The following ARHGAP10 variants were observed in gnomAD, a reference collection of about 807,000 sequenced individuals.
ARHGAP10 encodes the protein rho GTPase-activating protein 10.
Under a neutral mutation model 108.6 loss-of-function variants are expected in ARHGAP10, and 87 were observed. The ratio of observed to expected loss-of-function variants is 0.80; its 90% confidence interval spans 0.67 to 0.96. ARHGAP10 has a LOEUF of 0.96. Among genes scored for constraint, ARHGAP10 ranks in the 40% least tolerant of loss-of-function variants. The probability of loss-of-function intolerance (pLI) is 0.00; values close to 1 mark genes in which losing one functional copy is unlikely to be tolerated. For missense variants in ARHGAP10, 939 were observed against 954.5 expected (o/e 0.98, Z 0.21); for synonymous variants, 347 against 341.1 (o/e 1.02, Z -0.19).
At chr4:148,025,307 C>A (rs1388881116) in intron 19 of ARHGAP10, among the ~76,000 whole-genome samples, 1 of 151,124 alleles carries the variant, frequency 6.6e-6, no homozygotes, top group Non-Finnish European at 1.5e-5. Context: ...TTTTGTTCTA[C>A]ATTTTGTATT....
At chr4:147,887,825 G>A (rs1446055071) in intron 10 of ARHGAP10, among the ~76,000 whole-genome samples, 4 of 150,854 alleles carry the variant, frequency 2.7e-5, no homozygotes, top group East Asian at 3.9e-4. Context: ...TGGCACCACC[G>A]CACTCCAGCC....
intron 18 of ARHGAP10, among the ~76,000 whole-genome samples, chr4:147,975,854 A>G (rs1578750471): frequency 6.6e-6 from 1 of 152,236 alleles, no homozygotes; most frequent in African/African-American, 2.4e-5. Flanking sequence ...GTGCACATAT[A>G]GAGGAGTATC....
intron 20 of ARHGAP10, among the ~76,000 whole-genome samples, chr4:148,054,114 G>C (rs1255108004): frequency 2.6e-5 from 4 of 152,108 alleles, no homozygotes; most frequent in African/African-American, 9.7e-5. Context: ...TGCCATTGTT[G>C]TAATTTATTA....
chr4:147,892,483 A>T (rs1735825607), intron 10 of ARHGAP10, among the ~76,000 whole-genome samples: 1 of 152,190 alleles, frequency 6.6e-6, no homozygotes, highest in Non-Finnish European at 1.5e-5. Context: ...AAATTAAAAG[A>T]CTTGAAATTG....
intron 1 of ARHGAP10, among the ~76,000 whole-genome samples, chr4:147,794,104 A>G (rs1270257914): frequency 2.0e-5 from 3 of 152,152 alleles, no homozygotes; most frequent in African/African-American, 7.2e-5. Context: ...AGTGTAGGGG[A>G]GGGACAGGCT....
At chr4:147,951,565 A>C (rs964931939) in intron 15 of ARHGAP10, among the ~76,000 whole-genome samples, 3 of 151,970 alleles carry the variant, frequency 2.0e-5, no homozygotes, top group African/African-American at 7.3e-5. Context: ...AATTGTATGT[A>C]AGGAATATAT....
At chr4:147,909,913 T>C in intron 12 of ARHGAP10, 136 bp downstream of exon 12, 11 of 823,200 alleles carry the variant, frequency 1.3e-5, no homozygotes, top group Non-Finnish European at 1.9e-5. Context: ...CACGTAATAA[T>C]CCTCTATTGC....
At chr4:147,962,537 C>A (rs1739039862) in intron 16 of ARHGAP10, among the ~76,000 whole-genome samples, 1 of 152,184 alleles carries the variant, frequency 6.6e-6, no homozygotes, top group South Asian at 2.1e-4. Context: ...CAACGACTCC[C>A]AGGTGTAGTG....
chr4:148,017,931 A>G (rs1741413316), intron 18 of ARHGAP10, among the ~76,000 whole-genome samples: 1 of 152,048 alleles, frequency 6.6e-6, no homozygotes, highest in Non-Finnish European at 1.5e-5. Context: ...AGGGATTTAT[A>G]TAAATGGCTG....
Position 147,867,900 on chromosome 4 carries a change from A to C in ARHGAP10, c.702+1084A>C, listed in dbSNP as rs528635251. On this transcript the variant is annotated intron_variant, in intron 7 of 22. Coordinates refer to ENST00000336498, the MANE Select transcript of ARHGAP10 (RefSeq NM_024605.4). ...AAAAAAAAAAAAGTTGAGAGTGAATACCTTTTGTGTAGATTTTGTTTCTAA... is the reference window on the plus strand; with the variant it reads ...AAAAAAAAAAAAGTTGAGAGTGAATCCCTTTTGTGTAGATTTTGTTTCTAA... 5.7e-4 allele frequency among the ~76,000 whole-genome samples: 75 copies of C among 132,536 alleles called. 1 individual carries two copies. The South Asian group carries it at 0.019, about 33-fold the overall frequency. 86.9% of individuals were successfully genotyped at this position (132,536 alleles called of 152,430 possible).
intron 1 of ARHGAP10, among the ~76,000 whole-genome samples, chr4:147,784,453 GAT>G (rs1330945533): frequency 1.7e-5 from 2 of 118,974 alleles, no homozygotes; most frequent in Non-Finnish European, 3.2e-5. Context: ...AGTTATATAT[GAT>G]ATATATTATA....
intron 18 of ARHGAP10, among the ~76,000 whole-genome samples, chr4:147,980,109 C>T (rs1300615580): frequency 6.6e-6 from 1 of 152,106 alleles, no homozygotes; most frequent in Non-Finnish European, 1.5e-5. Flanking sequence ...TTGTCTAGTT[C>T]CGGTTCTTAA....
intron 3 of ARHGAP10, among the ~76,000 whole-genome samples, chr4:147,831,895 G>A (rs1299399328): frequency 1.3e-5 from 2 of 152,138 alleles, no homozygotes; most frequent in Non-Finnish European, 2.9e-5. Context: ...TCCCTGCAAG[G>A]CCTTGCCCCA....
chr4:148,026,337 C>T (rs1384654942), intron 19 of ARHGAP10, among the ~76,000 whole-genome samples: 1 of 152,122 alleles, frequency 6.6e-6, no homozygotes, highest in Non-Finnish European at 1.5e-5. Flanking sequence ...GGCCTGGATG[C>T]AGAAAACCCA....
At chr4:147,762,690 C>T (rs978677395) in intron 1 of ARHGAP10, among the ~76,000 whole-genome samples, 22 of 149,196 alleles carry the variant, frequency 1.5e-4, no homozygotes, top group Admixed American at 2.7e-4. Flanking sequence ...CCACCACGCC[C>T]GGCTAATTTT....
intron 9 of ARHGAP10, among the ~76,000 whole-genome samples, chr4:147,881,369 G>T (rs537823474): frequency 1.3e-5 from 2 of 152,166 alleles, no homozygotes; most frequent in East Asian, 3.9e-4. Context: ...TGGGCGCGGT[G>T]GCTCACGCCT....
At chr4:148,002,032 A>G (rs904521504) in intron 18 of ARHGAP10, among the ~76,000 whole-genome samples, 4 of 152,214 alleles carry the variant, frequency 2.6e-5, no homozygotes, top group Non-Finnish European at 4.4e-5. Flanking sequence ...CCCATTCAGT[A>G]TGATACTGGC....
intron 20 of ARHGAP10, among the ~76,000 whole-genome samples, chr4:148,051,370 G>A (rs955953797): frequency 2.0e-5 from 3 of 152,140 alleles, no homozygotes; most frequent in African/African-American, 7.2e-5. Flanking sequence ...GGTAGTTTTC[G>A]CTAAACAGGT....
At chr4:147,888,747 T>G (rs978853695) in intron 10 of ARHGAP10, among the ~76,000 whole-genome samples, 1 of 152,236 alleles carries the variant, frequency 6.6e-6, no homozygotes, top group African/African-American at 2.4e-5. Context: ...TTGGGGTTCC[T>G]TAATTTCCTG....
Sources: allele counts gnomAD v4.1 joint callset (sites outside exome capture counted in the v4.1 genomes callset), GRCh38; gene constraint gnomAD v4.1.1; transcripts MANE v1.5; gene names NCBI Gene and HGNC (gene_info 2026-07-23, HGNC 2026-07-21).